Variants in BRI3 observed in about 807,000 individuals in gnomAD.
The protein encoded by BRI3 is brain protein I3.
BRI3 carries 6 observed loss-of-function variants against 12.8 expected under a neutral mutation model. The ratio of observed to expected loss-of-function variants is 0.47; its 90% CI spans 0.26 to 0.93. The LOEUF is 0.93. Among genes scored for constraint, BRI3 ranks in the 40% least tolerant of loss-of-function variants. The pLI, the probability that BRI3 is intolerant of heterozygous loss-of-function variation, is 0.15. For synonymous variants in BRI3, 91 were observed against 76.1 expected, an observed-to-expected ratio of 1.20 and a Z score of -1.02; for missense variants, 134 against 171.1, an observed-to-expected ratio of 0.78 and a Z score of 1.21.
chr7:98,282,288 T>C (rs943327088), intron 1 of BRI3, 63 bp from the exon 2 acceptor site: 1 of 1,343,184 alleles, frequency 7.4e-7, no homozygotes, highest in Non-Finnish European at 1.1e-6. Context: ...ACAGGATGAG[T>C]AGTCCCCGTG....
downstream of BRI3, chr7:98,293,351 T>C: frequency 1.6e-6 from 1 of 610,872 alleles, no homozygotes; most frequent in Non-Finnish European, 2.9e-6. Flanking sequence ...AGGCAGAAAC[T>C]TGTCAACCCA....
At chr7:98,303,451 C>T (rs888404702), upstream of BRI3, among the ~76,000 whole-genome samples, 4 of 152,220 alleles carry the variant, frequency 2.6e-5, no homozygotes, top group South Asian at 2.1e-4. Context: ...GATGTCCAGC[C>T]GCGCTGCTCC....
intron 1 of BRI3, among the ~76,000 whole-genome samples, chr7:98,299,609 G>A (rs993992843): frequency 1.3e-5 from 2 of 150,804 alleles, no homozygotes; most frequent in African/African-American, 4.9e-5. Flanking sequence ...CTACCACCTT[G>A]GCCTTCCAAG....
intron 1 of BRI3, among the ~76,000 whole-genome samples, chr7:98,299,714 C>CA (rs1800341078): frequency 6.6e-6 from 1 of 152,114 alleles, no homozygotes. Context: ...CCTAACTGTC[C>CA]AATGTGGCAA....
At chr7:98,305,856 T>C (rs1800637000), upstream of BRI3, among the ~76,000 whole-genome samples, 1 of 152,154 alleles carries the variant, frequency 6.6e-6, no homozygotes, top group Admixed American at 6.5e-5. Context: ...GAATACGGAT[T>C]TGGGGGTTTT....
intron 1 of BRI3, 146 bp from the exon 2 acceptor site, chr7:98,282,205 A>G: frequency 1.2e-6 from 1 of 845,286 alleles, no homozygotes; most frequent in Middle Eastern, 3.7e-4. Context: ...ATTAGCGCCG[A>G]ATCAGGCCCG....
intron 2 of BRI3, among the ~76,000 whole-genome samples, chr7:98,285,229 G>T (rs1799671311): frequency 6.6e-6 from 1 of 152,220 alleles, no homozygotes. Context: ...GTGCGGCTCA[G>T]TGGCCAGCGT....
chr7:98,317,123 G>A, the BRI3 span: 4 of 1,497,798 alleles, frequency 2.7e-6, no homozygotes, highest in Non-Finnish European at 3.7e-6. Context: ...AAAGTGCTGG[G>A]ATTACAGGCG....
chr7:98,320,778 C>G, the BRI3 span, among the ~76,000 whole-genome samples: 1 of 152,220 alleles, frequency 6.6e-6, no homozygotes, highest in Non-Finnish European at 1.5e-5. Context: ...CAGGGGGACA[C>G]AGCTGAGAGC....
At chr7:98,289,191 C>T (rs1799814089) in intron 2 of BRI3, among the ~76,000 whole-genome samples, 1 of 152,334 alleles carries the variant, frequency 6.6e-6, no homozygotes, top group South Asian at 2.1e-4. Flanking sequence ...CTCCTGACCT[C>T]AGGTCATCCA....
chr7:98,293,463 C>T (rs897507608), downstream of BRI3: 309 of 1,505,464 alleles, frequency 2.1e-4, no homozygotes, highest in Non-Finnish European at 2.0e-4. Flanking sequence ...AGACAGGATG[C>T]GCCCATCATT....
the BRI3 span, among the ~76,000 whole-genome samples, chr7:98,316,831 A>G: frequency 6.6e-5 from 10 of 151,346 alleles, no homozygotes; most frequent in East Asian, 1.9e-3. Flanking sequence ...GGTAACCATC[A>G]TTCTACTCCC....
At chr7:98,304,311 G>A (rs763264973), upstream of BRI3, 5 of 1,611,192 alleles carry the variant, frequency 3.1e-6, no homozygotes, top group African/African-American at 1.3e-5. Flanking sequence ...GTAGTCGGGT[G>A]GGGGGATGAC....
chr7:98,291,988 CA>C (rs1799976746), downstream of BRI3: 3 of 152,886 alleles, frequency 2.0e-5, no homozygotes, highest in Admixed American at 6.5e-5. Context: ...CATGTGGCTG[CA>C]GCCCTTTCTG....
At chr7:98,292,317 G>A (rs995879152), downstream of BRI3, 4 of 347,502 alleles carry the variant, frequency 1.2e-5, no homozygotes, top group East Asian at 1.3e-4. Flanking sequence ...TGCCTCCCGG[G>A]TTCAAGTGAT....
chr7:98,290,656 G>A (rs1305936249), intron 2 of BRI3, among the ~76,000 whole-genome samples: 1 of 151,884 alleles, frequency 6.6e-6, no homozygotes, highest in Non-Finnish European at 1.5e-5. Flanking sequence ...GTGCCACCAC[G>A]CCTGGCAGAT....
intron 1 of BRI3, among the ~76,000 whole-genome samples, chr7:98,299,527 T>C (rs946965832): frequency 2.0e-5 from 3 of 151,184 alleles, no homozygotes; most frequent in Non-Finnish European, 1.5e-5. Flanking sequence ...CAAGCTTATT[T>C]TTATATATAG....
chr7:98,316,099 T>C, the BRI3 span, among the ~76,000 whole-genome samples: 499 of 152,278 alleles, frequency 3.3e-3, 3 homozygotes, highest in African/African-American at 0.011. Context: ...CATGCCATTC[T>C]TGTGATAGTG....
the BRI3 span, chr7:98,319,920 G>C: frequency 1.4e-6 from 1 of 740,032 alleles, no homozygotes; most frequent in Non-Finnish European, 2.3e-6. Context: ...GAGCTTGTCG[G>C]TTTCATGCAT....
Sources: gnomAD v4.1 joint callset for allele counts (sites outside exome capture counted in the v4.1 genomes callset) on GRCh38, gnomAD v4.1.1 for gene constraint, MANE v1.5 for transcripts, NCBI Gene and HGNC (gene_info 2026-07-23, HGNC 2026-07-21) for gene names.